Variants in UVRAG observed in about 807,000 individuals in gnomAD.
The protein encoded by UVRAG is UV radiation resistance-associated gene protein.
A neutral mutation model predicts 78.0 loss-of-function variants in UVRAG; 19 were observed. The ratio of observed to expected loss-of-function variants is 0.24; its 90% CI spans 0.17 to 0.36. The LOEUF (loss-of-function observed/expected upper bound fraction) is 0.36, where lower values mean the gene tolerates loss of function less well. Among genes scored for constraint, UVRAG ranks in the 10% least tolerant of loss-of-function variants. The probability of loss-of-function intolerance (pLI) is 1.00; values close to 1 mark genes in which losing one functional copy is unlikely to be tolerated. For missense variants in UVRAG, 740 were observed against 853.8 expected, an observed-to-expected ratio of 0.87 and a Z score of 1.66; for synonymous variants, 323 against 324.6, an observed-to-expected ratio of 1.00 and a Z score of 0.05.
intron 12 of UVRAG, among the ~76,000 whole-genome samples, chr11:76,059,123 C>T (rs1951033904): frequency 6.6e-6 from 1 of 152,110 alleles, no homozygotes; most frequent in African/African-American, 2.4e-5. Context: ...AAAATAATAA[C>T]TTATATTTGT....
At chr11:75,830,876 A>G (rs972843488) in intron 1 of UVRAG, among the ~76,000 whole-genome samples, 3 of 152,206 alleles carry the variant, frequency 2.0e-5, no homozygotes, top group Admixed American at 2.0e-4. Context: ...CACAGTGGTT[A>G]AGAATATGGA....
chr11:75,922,017 G>A (rs1178519280), intron 6 of UVRAG, among the ~76,000 whole-genome samples: 1 of 151,500 alleles, frequency 6.6e-6, no homozygotes, highest in Non-Finnish European at 1.5e-5. Flanking sequence ...TACTATTTTT[G>A]GCTATTCTCA....
rs5792708 is a variant in UVRAG, at chr11:76,082,539, CA to C, written c.1305+16771del. Among the ~76,000 whole-genome samples, 34 of 101,682 alleles carry C rather than the reference CA, an allele frequency of 3.3e-4. No homozygotes were observed. In the South Asian group the frequency reaches 0.01, roughly 31 times the overall value. 66.7% of individuals were successfully genotyped at this position (101,682 alleles called of 152,430 possible). ...TGGGCAACAGAGCGAGACTCCGTCCCAAAAAAAAAAAAAAAAAAAACATAGG... is the reference window on the plus strand; with the variant it reads ...TGGGCAACAGAGCGAGACTCCGTCCCAAAAAAAAAAAAAAAAAAACATAGG... On this transcript the variant is annotated intron_variant, in intron 13 of 14. Transcript: ENST00000356136.
intron 5 of UVRAG, chr11:75,911,721 C>T (rs557156344): frequency 4.4e-5 from 16 of 361,670 alleles, no homozygotes; most frequent in East Asian, 3.2e-4. Flanking sequence ...GGGCTGGGCG[C>T]GCTCCTTCTC....
At chr11:75,832,969 T>A (rs1555070571) in intron 1 of UVRAG, among the ~76,000 whole-genome samples, 2 of 152,186 alleles carry the variant, frequency 1.3e-5, no homozygotes, top group Non-Finnish European at 2.9e-5. Context: ...ATACATTTCT[T>A]ATCATACCAG....
intron 1 of UVRAG, among the ~76,000 whole-genome samples, chr11:75,830,459 G>T (rs1945630252): frequency 6.6e-6 from 1 of 151,954 alleles, no homozygotes; most frequent in Non-Finnish European, 1.5e-5. Flanking sequence ...TTTTAGTAGA[G>T]ACTGGGTTTT....
chr11:75,842,268 C>T (rs1945930947), intron 1 of UVRAG, among the ~76,000 whole-genome samples: 1 of 152,052 alleles, frequency 6.6e-6, no homozygotes, highest in Non-Finnish European at 1.5e-5. Context: ...TGTAAGAGAG[C>T]ATGTCAGATG....
intron 1 of UVRAG, among the ~76,000 whole-genome samples, chr11:75,839,332 T>C (rs1253083462): frequency 6.6e-6 from 1 of 152,088 alleles, no homozygotes; most frequent in Non-Finnish European, 1.5e-5. Flanking sequence ...ATGTAGTAAT[T>C]TTTTTCTTTT....
chr11:75,986,930 A>G (rs1358575456), intron 8 of UVRAG, among the ~76,000 whole-genome samples: 2 of 152,230 alleles, frequency 1.3e-5, no homozygotes, highest in Non-Finnish European at 2.9e-5. Flanking sequence ...TGTATCATGC[A>G]TCACTAATTC....
Position 75,815,242 on chromosome 11 carries a change from A to AGCGGCGGC in UVRAG, c.-166_-165insGCGGCGGC. The stretch of plus-strand genomic sequence containing the variant: ...TGGCTCTTCCTTAGCCAGCGGCGGC[A>AGCGGCGGC]ACGGCGGCAGCGGCGGCAGCGGCGG... On this transcript the variant is annotated 5_prime_UTR_variant, in exon 1 of 15. Coordinates refer to ENST00000356136, the MANE Select transcript of UVRAG (RefSeq NM_003369.4). The AGCGGCGGC allele has an allele frequency of 2.2e-6, 1 of 452,614 alleles. No individual in the cohort carries two copies. Among genetic ancestry groups the AGCGGCGGC allele is most frequent in the Non-Finnish European group, 3.8e-6 (1 of 261,474 alleles). The allele number at this position is 452,614 out of a possible 1,614,324, so 28.0% of individuals were successfully genotyped here.
chr11:75,821,812 C>T (rs1337983850), intron 1 of UVRAG, among the ~76,000 whole-genome samples: 6 of 152,010 alleles, frequency 3.9e-5, no homozygotes, highest in African/African-American at 1.2e-4. Flanking sequence ...TAGGATGCCA[C>T]TCTTCTGGAA....
intron 13 of UVRAG, among the ~76,000 whole-genome samples, chr11:76,113,778 T>G (rs1952126191): frequency 6.6e-6 from 1 of 152,122 alleles, no homozygotes; most frequent in African/African-American, 2.4e-5. Flanking sequence ...TTTCTTCATT[T>G]ATAAGAGGAA....
At chr11:76,012,252 C>T (rs1950063176) in intron 11 of UVRAG, among the ~76,000 whole-genome samples, 1 of 151,358 alleles carries the variant, frequency 6.6e-6, no homozygotes, top group Admixed American at 6.6e-5. Flanking sequence ...TCACATTTAC[C>T]CTAATTCTCA....
At chr11:75,879,601 T>G (rs1335448842) in intron 3 of UVRAG, among the ~76,000 whole-genome samples, 1 of 152,216 alleles carries the variant, frequency 6.6e-6, no homozygotes, top group Non-Finnish European at 1.5e-5. Context: ...ACGTATTAAG[T>G]GTCGAATAAA....
At chr11:75,839,844 C>T (rs930774304) in intron 1 of UVRAG, among the ~76,000 whole-genome samples, 10 of 147,258 alleles carry the variant, frequency 6.8e-5, no homozygotes, top group African/African-American at 2.1e-4. Flanking sequence ...TATATACACA[C>T]CCCCACACAT....
At chr11:75,891,630 A>G (rs1181202298) in intron 5 of UVRAG, among the ~76,000 whole-genome samples, 1 of 152,192 alleles carries the variant, frequency 6.6e-6, no homozygotes, top group Non-Finnish European at 1.5e-5. Flanking sequence ...AAGTTCAGAT[A>G]TAGGTGATAG....
At chr11:75,887,066 A>G (rs1325000766) in intron 4 of UVRAG, among the ~76,000 whole-genome samples, 1 of 151,344 alleles carries the variant, frequency 6.6e-6, no homozygotes, top group Non-Finnish European at 1.5e-5. Context: ...CCCGGGTTCA[A>G]ACAATTCTCC....
At chr11:76,053,308 A>AACACACACACACACACACACAC (rs377457433) in intron 12 of UVRAG, among the ~76,000 whole-genome samples, 2 of 140,696 alleles carry the variant, frequency 1.4e-5, no homozygotes, top group African/African-American at 5.4e-5. Context: ...TCTGTCTCAA[A>AACACACACACACACACACACAC]ACACACACAC....
chr11:75,924,029 A>T (rs527733079), intron 6 of UVRAG, among the ~76,000 whole-genome samples: 1 of 152,176 alleles, frequency 6.6e-6, no homozygotes, highest in Non-Finnish European at 1.5e-5. Context: ...TCTCAGAATG[A>T]GAATGGAGAA....
Sources: allele counts gnomAD v4.1 joint callset (sites outside exome capture counted in the v4.1 genomes callset), GRCh38; gene constraint gnomAD v4.1.1; transcripts MANE v1.5; gene names NCBI Gene and HGNC (gene_info 2026-07-23, HGNC 2026-07-21).